The following DAB1 variants were observed in gnomAD, a reference collection of about 807,000 sequenced individuals.
DAB1 encodes DAB adaptor protein 1, also known as disabled homolog 1.
Under a neutral mutation model 64.6 loss-of-function variants are expected in DAB1, and 15 were observed. The ratio of observed to expected loss-of-function variants is 0.23; its 90% CI spans 0.16 to 0.36. DAB1 has a LOEUF of 0.36. DAB1 is among the 10% of genes least tolerant of loss of function. The pLI is 1.00. For missense variants in DAB1, 596 were observed against 706.7 expected (o/e 0.84, Z 1.78); for synonymous variants, 235 against 251.9 (o/e 0.93, Z 0.64).
At chr1:57,976,835 A>G (rs986113267) in intron 5 of DAB1, among the ~76,000 whole-genome samples, 5 of 152,202 alleles carry the variant, frequency 3.3e-5, no homozygotes, top group Admixed American at 3.3e-4. Context: ...ATCACATGCA[A>G]TTTGACATTA....
intron 1 of DAB1, among the ~76,000 whole-genome samples, chr1:57,851,492 C>T (rs1466827745): frequency 2.0e-5 from 3 of 152,158 alleles, no homozygotes; most frequent in African/African-American, 7.2e-5. Flanking sequence ...GAGAGAAGAC[C>T]TCAGGCTATC....
intron 6 of DAB1, among the ~76,000 whole-genome samples, chr1:57,720,791 C>T (rs1198727639): frequency 6.6e-6 from 1 of 152,128 alleles, no homozygotes. Flanking sequence ...AATTTCTTTC[C>T]AGTTTTCTCC....
chr1:57,499,658 G>C (rs1644268367), intron 7 of DAB1, among the ~76,000 whole-genome samples: 1 of 152,232 alleles, frequency 6.6e-6, no homozygotes, highest in Non-Finnish European at 1.5e-5. Flanking sequence ...TGGCAAATGT[G>C]TTACTGAAAT....
rs558648339 is a variant in DAB1 at position 58,073,287 on chromosome 1, C to T, written n.387+77224G>A. On this transcript the variant is annotated intron_variant and non_coding_transcript_variant, in intron 5 of 20. Coordinates refer to the DAB1 transcript ENST00000485760. ...ACTGTTCTTTCCTCTCTCCTCTTTC[C>T]ACCTTCCCAACTGATTAAATTTCAT... 6.6e-5 allele frequency among the ~76,000 whole-genome samples: 10 copies of T among 152,268 alleles called. No individual in the cohort carries two copies. The South Asian group carries it at 1.9e-3, about 28-fold the overall frequency.
chr1:58,227,568 TCTC>T (rs1395520893), intron 4 of DAB1, among the ~76,000 whole-genome samples: 2 of 152,124 alleles, frequency 1.3e-5, no homozygotes, highest in Non-Finnish European at 2.9e-5. Context: ...GTTTCTTTGT[TCTC>T]CTCTAGCATG....
At chr1:57,165,709 A>T (rs1225888339) in intron 2 of DAB1, among the ~76,000 whole-genome samples, 1 of 152,262 alleles carries the variant, frequency 6.6e-6, no homozygotes, top group East Asian at 1.9e-4. Context: ...AAACTTGCCC[A>T]GAGTTCACAT....
At chr1:58,304,673 C>T (rs1662265781) in intron 4 of DAB1, among the ~76,000 whole-genome samples, 1 of 152,142 alleles carries the variant, frequency 6.6e-6, no homozygotes, top group South Asian at 2.1e-4. Context: ...CATTGCTGCT[C>T]TACAGAAAAG....
chr1:57,069,516 G>T, intron 7 of DAB1, 91 bp from the exon 8 acceptor site: 3 of 1,044,862 alleles, frequency 2.9e-6, no homozygotes, highest in Non-Finnish European at 4.4e-6. Context: ...AAATCACAGC[G>T]AGCATTAACG....
chr1:57,353,978 A>C (rs1159037713), intron 1 of DAB1, among the ~76,000 whole-genome samples: 1 of 152,168 alleles, frequency 6.6e-6, no homozygotes, highest in African/African-American at 2.4e-5. Flanking sequence ...TAATCATAAA[A>C]ATGAATCACC....
intron 1 of DAB1, among the ~76,000 whole-genome samples, chr1:57,363,592 G>A (rs538849502): frequency 1.3e-5 from 2 of 152,242 alleles, no homozygotes; most frequent in South Asian, 2.1e-4. Flanking sequence ...TATGGAAGGC[G>A]CTTGGCACAT....
chr1:58,161,747 A>C (rs1395227880), intron 4 of DAB1, among the ~76,000 whole-genome samples: 1 of 152,208 alleles, frequency 6.6e-6, no homozygotes, highest in Non-Finnish European at 1.5e-5. Flanking sequence ...AAGGCCATTC[A>C]GTTAGTAAGT....
intron 6 of DAB1, among the ~76,000 whole-genome samples, chr1:57,657,753 A>C (rs2101664121): frequency 6.6e-6 from 1 of 152,320 alleles, no homozygotes; most frequent in African/African-American, 2.4e-5. Flanking sequence ...TAAGTAAGAA[A>C]ATTTAATCAA....
chr1:57,591,542 G>A (rs1206650378), intron 7 of DAB1, among the ~76,000 whole-genome samples: 1 of 152,140 alleles, frequency 6.6e-6, no homozygotes, highest in Non-Finnish European at 1.5e-5. Flanking sequence ...GGGTTCTGAG[G>A]CAAATGGATC....
At chr1:58,478,760 GA>G (rs1449570686) in intron 3 of DAB1, among the ~76,000 whole-genome samples, 3 of 152,130 alleles carry the variant, frequency 2.0e-5, no homozygotes, top group African/African-American at 7.2e-5. Flanking sequence ...CTGAATTATA[GA>G]AAAGATCGGG....
chr1:57,351,164 C>T (rs900669951), intron 1 of DAB1, among the ~76,000 whole-genome samples: 66 of 152,260 alleles, frequency 4.3e-4, no homozygotes, highest in African/African-American at 1.5e-3. Context: ...GTTCAAGTTT[C>T]AAAAACTAGG....
intron 7 of DAB1, among the ~76,000 whole-genome samples, chr1:57,611,947 T>C (rs919870046): frequency 2.6e-5 from 4 of 152,180 alleles, no homozygotes; most frequent in Non-Finnish European, 5.9e-5. Flanking sequence ...CCAACTGTTA[T>C]GTAGTGTCAC....
chr1:57,862,719 A>C (rs1176843194), intron 1 of DAB1: 2 of 152,228 alleles, frequency 1.3e-5, no homozygotes, highest in African/African-American at 2.4e-5. Context: ...AGGAAGTTAC[A>C]AGCTAAAGCA....
intron 2 of DAB1, among the ~76,000 whole-genome samples, chr1:57,213,923 T>C (rs1456826353): frequency 6.6e-6 from 1 of 152,202 alleles, no homozygotes; most frequent in Non-Finnish European, 1.5e-5. Flanking sequence ...TGCTAGGCAC[T>C]GGGGTCTTAG....
intron 7 of DAB1, among the ~76,000 whole-genome samples, chr1:57,479,123 T>C (rs928868895): frequency 1.3e-5 from 2 of 152,148 alleles, no homozygotes; most frequent in African/African-American, 4.8e-5. Flanking sequence ...AAACTCTAAG[T>C]TCAATACTTT....
Sources: gnomAD v4.1 joint callset for allele counts (sites outside exome capture counted in the v4.1 genomes callset) on GRCh38, gnomAD v4.1.1 for gene constraint, MANE v1.5 for transcripts, NCBI Gene and HGNC (gene_info 2026-07-23, HGNC 2026-07-21) for gene names.